Variants in FRMD4A observed in about 807,000 individuals in gnomAD.
FRMD4A encodes the protein FERM domain-containing protein 4A.
In FRMD4A, 29 loss-of-function variants were observed where a neutral mutation model predicts 129.1. That is an observed-to-expected ratio of 0.22 (90% CI 0.17 to 0.31). The LOEUF is 0.31. Among genes scored for constraint, FRMD4A ranks in the 10% least tolerant of loss-of-function variants. The pLI, the probability that FRMD4A is intolerant of heterozygous loss-of-function variation, is 1.00. For synonymous variants in FRMD4A, 634 were observed against 571.6 expected, an observed-to-expected ratio of 1.11 and a Z score of -1.56; for missense variants, 1,272 against 1,375.8, an observed-to-expected ratio of 0.92 and a Z score of 1.19.
chr10:13,953,562 G>A (rs1359825805), intron 2 of FRMD4A, among the ~76,000 whole-genome samples: 2 of 152,154 alleles, frequency 1.3e-5, no homozygotes, highest in East Asian at 1.9e-4. Context: ...AGCTCCTGCT[G>A]TCCACATTAC....
At chr10:13,738,131 A>G (rs2090755181) in intron 11 of FRMD4A, among the ~76,000 whole-genome samples, 1 of 152,084 alleles carries the variant, frequency 6.6e-6, no homozygotes, top group Non-Finnish European at 1.5e-5. Flanking sequence ...TGACATGGGG[A>G]GTGCCGGGGG....
chr10:14,194,350 C>A, intron 2 of FRMD4A, among the ~76,000 whole-genome samples: 1 of 152,172 alleles, frequency 6.6e-6, no homozygotes, highest in East Asian at 1.9e-4. Flanking sequence ...GTGGTTCAGG[C>A]CTGTAATCCC....
At chr10:13,928,250 G>A (rs887221713) in intron 2 of FRMD4A, among the ~76,000 whole-genome samples, 3 of 151,858 alleles carry the variant, frequency 2.0e-5, no homozygotes, top group Non-Finnish European at 2.9e-5. Context: ...TCCAACTCCC[G>A]GGCTCAAGCA....
At chr10:13,915,546 C>T (rs2094991994) in intron 2 of FRMD4A, among the ~76,000 whole-genome samples, 1 of 151,666 alleles carries the variant, frequency 6.6e-6, no homozygotes. Context: ...GTGGTGGGTG[C>T]CTGTAGTCCC....
chr10:13,702,359 T>A (rs991752215), intron 13 of FRMD4A, among the ~76,000 whole-genome samples: 4 of 152,242 alleles, frequency 2.6e-5, no homozygotes, highest in African/African-American at 9.6e-5. Context: ...CCACCGCACC[T>A]GGCCCTGTCT....
chr10:14,054,948 C>T (rs568429681), intron 2 of FRMD4A, among the ~76,000 whole-genome samples: 1 of 152,334 alleles, frequency 6.6e-6, no homozygotes, highest in South Asian at 2.1e-4. Context: ...CCACATGGAA[C>T]TGTGAGTCCA....
chr10:14,064,192 C>G (rs372624796), intron 2 of FRMD4A, among the ~76,000 whole-genome samples: 20 of 152,328 alleles, frequency 1.3e-4, no homozygotes, highest in African/African-American at 4.8e-4. Flanking sequence ...AAATGTGACT[C>G]AGAAGCATTC....
intron 2 of FRMD4A, among the ~76,000 whole-genome samples, chr10:14,299,524 G>T (rs1381022710): frequency 6.6e-6 from 1 of 152,324 alleles, no homozygotes; most frequent in African/African-American, 2.4e-5. Flanking sequence ...CAGCTGAAAA[G>T]GTTGAGTAAT....
At chr10:14,039,299 A>G (rs995962820) in intron 2 of FRMD4A, among the ~76,000 whole-genome samples, 1 of 152,150 alleles carries the variant, frequency 6.6e-6, no homozygotes, top group South Asian at 2.1e-4. Context: ...GGTTTTTCAC[A>G]TCTAAAAATT....
At chr10:14,105,015 C>T (rs780325512) in intron 2 of FRMD4A, among the ~76,000 whole-genome samples, 2 of 152,210 alleles carry the variant, frequency 1.3e-5, no homozygotes, top group Admixed American at 6.5e-5. Context: ...CACGGGGTCC[C>T]CACGCCGCAG....
In FRMD4A at chr10:13,650,236, C is replaced by T. The variant is rs2081444388; in HGVS notation, c.*2+1667G>A. Among the ~76,000 whole-genome samples, 3 of 152,178 alleles carry T rather than the reference C, an allele frequency of 2.0e-5. No individual in the cohort carries two copies. The South Asian group carries it at 6.2e-4, about 31-fold the overall frequency. ...ATTATTTTTTTAAACGTATAACTAA[C>T]TTACAGAACCAACTGGTGGCACATA... On this transcript the variant is annotated intron_variant, in intron 24 of 24. Transcript: ENST00000357447.
intron 6 of FRMD4A, among the ~76,000 whole-genome samples, chr10:13,771,321 C>G (rs910026793): frequency 1.3e-5 from 2 of 152,164 alleles, no homozygotes; most frequent in African/African-American, 4.8e-5. Flanking sequence ...AAGCCAACTG[C>G]CTTGGCCTCC....
chr10:13,875,824 G>A (rs1236820503), intron 2 of FRMD4A, among the ~76,000 whole-genome samples: 2 of 152,162 alleles, frequency 1.3e-5, no homozygotes, highest in Non-Finnish European at 2.9e-5. Flanking sequence ...ATACTTGTGA[G>A]GCAAAAGGGA....
At chr10:14,000,137 A>G (rs919331265) in intron 2 of FRMD4A, among the ~76,000 whole-genome samples, 1 of 152,224 alleles carries the variant, frequency 6.6e-6, no homozygotes, top group East Asian at 1.9e-4. Context: ...CCACTCCCAG[A>G]TTAGAATAAA....
intron 15 of FRMD4A, among the ~76,000 whole-genome samples, chr10:13,687,330 C>T (rs2085183142): frequency 6.6e-6 from 1 of 152,164 alleles, no homozygotes; most frequent in Non-Finnish European, 1.5e-5. Context: ...GAGCTGTTCT[C>T]TGATGGCAAA....
chr10:14,167,162 T>C (rs549249580), intron 2 of FRMD4A, among the ~76,000 whole-genome samples: 1 of 152,290 alleles, frequency 6.6e-6, no homozygotes, highest in South Asian at 2.1e-4. Context: ...CTGATTTGAC[T>C]ATATGAAAGT....
At chr10:14,173,671 T>C (rs1841588118) in intron 2 of FRMD4A, among the ~76,000 whole-genome samples, 1 of 152,026 alleles carries the variant, frequency 6.6e-6, no homozygotes, top group African/African-American at 2.4e-5. Flanking sequence ...ATCTGAGAAA[T>C]TGGTACTTCC....
At chr10:13,806,997 T>C (rs1267834308) in intron 4 of FRMD4A, among the ~76,000 whole-genome samples, 1 of 151,970 alleles carries the variant, frequency 6.6e-6, no homozygotes, top group Non-Finnish European at 1.5e-5. Flanking sequence ...TTAGTAGAGG[T>C]GGGGTTTCAC....
chr10:13,812,326 T>C (rs778425676), intron 3 of FRMD4A, among the ~76,000 whole-genome samples: 1 of 152,132 alleles, frequency 6.6e-6, no homozygotes, highest in Admixed American at 6.5e-5. Flanking sequence ...TTTATGAGGG[T>C]GGGGCCCCCA....
Sources: gnomAD v4.1 joint callset for allele counts (sites outside exome capture counted in the v4.1 genomes callset) on GRCh38, gnomAD v4.1.1 for gene constraint, MANE v1.5 for transcripts, NCBI Gene and HGNC (gene_info 2026-07-23, HGNC 2026-07-21) for gene names.